Variants in KLF6 observed in about 807,000 individuals in gnomAD.
KLF6 encodes the protein KLF transcription factor 6, also known as Krueppel-like factor 6.
For missense variants in KLF6, 233 were observed against 359.8 expected (o/e 0.65, Z 2.85); for synonymous variants, 152 against 147.9 (o/e 1.03, Z -0.20).
Position 3,778,636 on chromosome 10 carries a change from T to A in KLF6, c.*903A>T, listed in dbSNP as rs1316245148. 1.9e-6 allele frequency: 1 copy of A among 515,078 alleles called. No homozygotes were observed. The highest frequency in any genetic ancestry group is 1.6e-5 in the South Asian group (1 of 63,876). 31.9% of individuals were successfully genotyped at this position (515,078 alleles called of 1,614,324 possible). A position where few individuals can be genotyped will look rare whatever the true frequency, so the allele number is the denominator to read the frequency against. ...CAAACTTGGAGGGGAAAAAAAATTG[T>A]ATATTGCCAGGCCCGGATGGCTAGG... On this transcript the variant is annotated 3_prime_UTR_variant, in exon 4 of 4. Coordinates refer to ENST00000497571, the MANE Select transcript of KLF6 (RefSeq NM_001300.6).
chr10:3,779,972 G>C, intron 3 of KLF6, 134 bp downstream of exon 3: 3 of 1,181,850 alleles, frequency 2.5e-6, no homozygotes, highest in Non-Finnish European at 3.7e-6. Flanking sequence ...AAAAGTCCCA[G>C]GCTTGAAAAG....
Position 3,778,455 on chromosome 10 carries a change from T to C in KLF6, c.*1084A>G, listed in dbSNP as rs755348350. ...TTAGGTTCTTAAGTCTAATGAAACATTAGACCAGCAATTCCCAGCCCCAGC... is the reference window on the plus strand; with the variant it reads ...TTAGGTTCTTAAGTCTAATGAAACACTAGACCAGCAATTCCCAGCCCCAGC... On this transcript the variant is annotated 3_prime_UTR_variant, in exon 4 of 4. Coordinates refer to ENST00000497571, the MANE Select transcript of KLF6 (RefSeq NM_001300.6). 1 of 525,510 alleles carries C rather than the reference T, an allele frequency of 1.9e-6. No homozygotes were observed. The allele number at this position is 525,510 out of a possible 1,614,324, so 32.6% of individuals were successfully genotyped here. A position where few individuals can be genotyped will look rare whatever the true frequency, so the allele number is the denominator to read the frequency against.
Position 3,784,836 on chromosome 10 carries a change from C to T in KLF6, c.102+77G>A. The T allele has an allele frequency of 2.9e-6, 4 of 1,386,614 alleles. No individual in the cohort carries two copies. In the South Asian group the frequency reaches 4.0e-5, roughly 14 times the overall value. 85.9% of individuals were successfully genotyped at this position (1,386,614 alleles called of 1,614,324 possible). ...CCCAGGCCCAGCGGACCGCAGAGAGCACCGGGTCTGAACCCCAAACAGCCG... is the reference window on the plus strand; with the variant it reads ...CCCAGGCCCAGCGGACCGCAGAGAGTACCGGGTCTGAACCCCAAACAGCCG... On this transcript the variant is annotated intron_variant, in intron 1 of 3. Coordinates refer to ENST00000497571, the MANE Select transcript of KLF6 (RefSeq NM_001300.6).
rs1190483121 is a variant in KLF6, at chr10:3,776,674, A to T, written c.*2865T>A. On this transcript the variant is annotated 3_prime_UTR_variant, in exon 4 of 4. Transcript: ENST00000497571. ...AAACAAAATTTTACAAAAATCTTAC[A>T]AAGATTCTTTAGATAACAGGGTGCT... 2.1e-6 allele frequency: 1 copy of T among 483,736 alleles called. No individual in the cohort carries two copies. The highest frequency in any genetic ancestry group is 3.9e-6 in the Non-Finnish European group (1 of 255,492). 30.0% of individuals were successfully genotyped at this position (483,736 alleles called of 1,614,324 possible).
chr10:3,777,876 GAT>G lies in KLF6; in HGVS notation c.*1661_*1662del, dbSNP rs34127934. On this transcript the variant is annotated 3_prime_UTR_variant, in exon 4 of 4. Coordinates refer to ENST00000497571, the MANE Select transcript of KLF6 (RefSeq NM_001300.6). ...TGTATTACCAACAGATAGCTAGACA[GAT>G]ATGTGAAACTTGTGCCTTTTAAGCA... 1.4e-3 allele frequency: 675 copies of G among 487,546 alleles called. 6 individuals carry two copies. Among genetic ancestry groups the G allele is most frequent in the African/African-American group, 0.012 (629 of 51,320 alleles). 30.2% of individuals were successfully genotyped at this position (487,546 alleles called of 1,614,324 possible). A position where few individuals can be genotyped will look rare whatever the true frequency, so the allele number is the denominator to read the frequency against.
chr10:3,783,540 C>T (rs1832578968), intron 1 of KLF6, among the ~76,000 whole-genome samples: 1 of 152,182 alleles, frequency 6.6e-6, no homozygotes, highest in African/African-American at 2.4e-5. Context: ...CCTCCCCCTC[C>T]CCAGGCTCGC....
chr10:3,777,394 G>C lies in KLF6; in HGVS notation c.*2145C>G. 1 of 511,522 alleles carries C rather than the reference G, an allele frequency of 2.0e-6. No individual in the cohort carries two copies. The highest frequency in any genetic ancestry group is 3.8e-6 in the Non-Finnish European group (1 of 261,800). 31.7% of individuals were successfully genotyped at this position (511,522 alleles called of 1,614,324 possible). On this transcript the variant is annotated 3_prime_UTR_variant, in exon 4 of 4. Transcript: ENST00000497571. ...AAAAGTGTTCTACAAAAGAATCCCT[G>C]TGGTTAGCTTACTCTTAGGTTAGAT...
At position 3,785,175 on chromosome 10, in the gene KLF6, G is replaced by A. The variant is rs753434986; in HGVS notation, c.-161C>T. The A allele has an allele frequency of 4.2e-6, 6 of 1,441,856 alleles. No individual in the cohort carries two copies. The African/African-American group carries it at 4.2e-5, about 10-fold the overall frequency. The allele number at this position is 1,441,856 out of a possible 1,614,324, so 89.3% of individuals were successfully genotyped here. A position where few individuals can be genotyped will look rare whatever the true frequency, so the allele number is the denominator to read the frequency against. On this transcript the variant is annotated 5_prime_UTR_variant, in exon 1 of 4. Transcript: ENST00000497571. ...CCTCCCGCAGCCCGCAGCGCGCGGAGCCCACACAATATTTGCAAACACCGG... is the reference window on the plus strand; with the variant it reads ...CCTCCCGCAGCCCGCAGCGCGCGGAACCCACACAATATTTGCAAACACCGG...
intron 1 of KLF6, chr10:3,783,416 C>G (rs984973002): frequency 6.6e-6 from 1 of 152,244 alleles, no homozygotes; most frequent in African/African-American, 2.4e-5. Flanking sequence ...AGTTTCTACA[C>G]CAAACGGCTC....
rs759685945 is a variant in KLF6, at chr10:3,785,029, G to A, written c.-15C>T. On this transcript the variant is annotated 5_prime_UTR_variant, in exon 1 of 4. Transcript: ENST00000497571. The stretch of plus-strand genomic sequence containing the variant: ...AGCACGTCCATGTCGGGCCGGGTTG[G>A]ACGGAGCCCGCGGTCGCGAGGGCGG... The A allele has an allele frequency of 1.6e-5, 25 of 1,611,072 alleles. No individual in the cohort carries two copies. The highest frequency in any genetic ancestry group is 2.0e-5 in the Non-Finnish European group (23 of 1,178,618).
At position 3,781,779 on chromosome 10, in the gene KLF6, A is replaced by C; in HGVS notation, c.538T>G (p.Ser180Ala). Reference protein sequence around the residue: ...PSPGKVRSGTSGKPGDKGNGD... With the variant: ...PSPGKVRSGTAGKPGDKGNGD... ...TTTCCCTTGTCACCTGGCTTCCCCG[A>C]AGTCCCGCTGCGCACCTTCCCTGGC... Residue 180 changes from serine to alanine, a missense_variant, in exon 2 of 4, where the codon TCG (serine) becomes GCG (alanine). Ser to Ala is a moderately conservative substitution (Grantham distance 99). Transcript: ENST00000497571. The surrounding 1 kb of genome is among the most constrained non-coding windows in gnomAD (Gnocchi z 5.8). The C allele has an allele frequency of 6.2e-7, 1 of 1,614,204 alleles. No homozygotes were observed. Among genetic ancestry groups the C allele is most frequent in the Non-Finnish European group, 8.5e-7 (1 of 1,180,028 alleles).
In KLF6 at chr10:3,785,199, G is replaced by A. The variant is rs1185901581; in HGVS notation, c.-185C>T. 2 of 1,254,446 alleles carry A rather than the reference G, an allele frequency of 1.6e-6. No individual in the cohort carries two copies. Among genetic ancestry groups the A allele is most frequent in the Non-Finnish European group, 2.2e-6 (2 of 894,662 alleles). 77.7% of individuals were successfully genotyped at this position (1,254,446 alleles called of 1,614,324 possible). A position where few individuals can be genotyped will look rare whatever the true frequency, so the allele number is the denominator to read the frequency against. ...AGCCCACACAATATTTGCAAACACC[G>A]GACTGACTGCAAACGTAACCCCTGC... On this transcript the variant is annotated 5_prime_UTR_variant, in exon 1 of 4. Transcript: ENST00000497571.
In KLF6 at chr10:3,776,667, A is replaced by ATCTT. The variant is rs1311042673; in HGVS notation, c.*2868_*2871dup. 2.1e-6 allele frequency: 1 copy of ATCTT among 484,362 alleles called. No homozygotes were observed. Among genetic ancestry groups the ATCTT allele is most frequent in the Non-Finnish European group, 3.9e-6 (1 of 255,674 alleles). 30.0% of individuals were successfully genotyped at this position (484,362 alleles called of 1,614,324 possible). Reference sequence around the variant, plus strand: ...TCTTGTAAAACAAAATTTTACAAAAATCTTACAAAGATTCTTTAGATAACA... The same window carrying ATCTT: ...TCTTGTAAAACAAAATTTTACAAAAATCTTTCTTACAAAGATTCTTTAGATAACA... On this transcript the variant is annotated 3_prime_UTR_variant, in exon 4 of 4. Transcript: ENST00000497571.
At chr10:3,783,805 C>G (rs1040231702) in intron 1 of KLF6, among the ~76,000 whole-genome samples, 1 of 152,166 alleles carries the variant, frequency 6.6e-6, no homozygotes, top group Non-Finnish European at 1.5e-5. Flanking sequence ...AGTTTAAAAG[C>G]CTCCAAAGGC....
rs375144655 is a variant in KLF6 at position 3,781,826 on chromosome 10, C to T, written c.491G>A (p.Cys164Tyr). ...TGGCGAGGGCAGCTCCCCGGGCACG[C>T]AACCCCACAGTTGAGAAGGTTCCCT... ...LSREPSQLWG[C>Y]VPGELPSPGK... The change falls in exon 2 of 4, where the codon TGC (cysteine) becomes TAC (tyrosine). Residue 164 changes from cysteine (C) to tyrosine (Y), a missense_variant. Physicochemically the swap from Cys to Tyr is radical, Grantham distance 194. Coordinates refer to ENST00000497571, the MANE Select transcript of KLF6 (RefSeq NM_001300.6). This position sits in a 1 kb window ranked among gnomAD's most constrained non-coding sequence, Gnocchi z 5.8. 2.5e-6 allele frequency: 4 copies of T among 1,614,254 alleles called. No homozygotes were observed. Among genetic ancestry groups the T allele is most frequent in the Non-Finnish European group, 3.4e-6 (4 of 1,180,044 alleles).
At position 3,785,094 on chromosome 10, in the gene KLF6, G is replaced by A. The variant is rs191056541; in HGVS notation, c.-80C>T. The A allele has an allele frequency of 7.0e-4, 1,113 of 1,593,176 alleles. 7 individuals are homozygous for A. The African/African-American group carries it at 0.014, about 20-fold the overall frequency. The stretch of plus-strand genomic sequence containing the variant: ...GGAGCCGGAGCCGAAAGTCTCCCCG[G>A]AGCGCAGGTGAAAGTTTCATGCAAA... On this transcript the variant is annotated 5_prime_UTR_variant, in exon 1 of 4. Transcript: ENST00000497571.
chr10:3,779,380 G>T lies in KLF6; in HGVS notation c.*159C>A. The T allele has an allele frequency of 1.4e-6, 1 of 711,998 alleles. No homozygotes were observed. The allele number at this position is 711,998 out of a possible 1,614,324, so 44.1% of individuals were successfully genotyped here. On this transcript the variant is annotated 3_prime_UTR_variant, in exon 4 of 4. Transcript: ENST00000497571. The stretch of plus-strand genomic sequence containing the variant: ...ACGGGTGCTATGCCGCTTCTTACAG[G>T]ACCTTTTTAGCCCTCAAAAGACCTT...
chr10:3,781,528 G>A lies in KLF6; in HGVS notation c.676+113C>T. 2 of 1,557,326 alleles carry A rather than the reference G, an allele frequency of 1.3e-6. No homozygotes were observed. Among genetic ancestry groups the A allele is most frequent in the South Asian group, 1.2e-5 (1 of 85,214 alleles). On this transcript the variant is annotated intron_variant, in intron 2 of 3. Coordinates refer to ENST00000497571, the MANE Select transcript of KLF6 (RefSeq NM_001300.6). The surrounding 1 kb of genome is among the most constrained non-coding windows in gnomAD (Gnocchi z 5.8). ...GGTGGAAAACATCTGAGGAAGTGAGGATTTGTCTGCCCTGACCACATCCTG... is the reference window on the plus strand; with the variant it reads ...GGTGGAAAACATCTGAGGAAGTGAGAATTTGTCTGCCCTGACCACATCCTG...
chr10:3,784,582 A>C lies in KLF6; in HGVS notation c.102+331T>G, dbSNP rs1251480242. Among the ~76,000 whole-genome samples, 3 of 151,378 alleles carry C rather than the reference A, an allele frequency of 2.0e-5. No individual in the cohort carries two copies. The East Asian group carries it at 5.8e-4, about 29-fold the overall frequency. On this transcript the variant is annotated intron_variant, in intron 1 of 3. Coordinates refer to ENST00000497571, the MANE Select transcript of KLF6 (RefSeq NM_001300.6). ...CAAAAACAAAATCCGTTAAAAAAAA[A>C]CAACAAAAAACAAACAAACAAAAAA...
Sources: gnomAD v4.1 joint callset for allele counts (sites outside exome capture counted in the v4.1 genomes callset) on GRCh38, gnomAD v4.1.1 for gene constraint, Gnocchi (gnomAD v3.1) non-coding constraint, MANE v1.5 for transcripts, NCBI Gene and HGNC (gene_info 2026-07-23, HGNC 2026-07-21) for gene names.